The following MYH7 variants were observed in gnomAD, a reference collection of about 807,000 sequenced individuals.
The protein encoded by MYH7 is myosin heavy chain 7, also known as myosin-7.
MYH7 carries 129 observed loss-of-function variants against 225.4 expected under a neutral mutation model. The observed-to-expected ratio is 0.57, with a 90% CI of 0.50 to 0.66. MYH7 has a LOEUF of 0.66. MYH7 is among the 30% of genes least tolerant of loss of function. MYH7 has a pLI of 0.00. For synonymous variants in MYH7, 971 were observed against 1,007.6 expected (o/e 0.96, Z 0.69); for missense variants, 1,649 against 2,517.0 (o/e 0.66, Z 7.38).
At chr14:23,435,273 C>T (rs116526240) in intron 1 of MYH7, among the ~76,000 whole-genome samples, 3,319 of 152,120 alleles carry the variant, frequency 0.022, 127 homozygotes, top group African/African-American at 0.077. Flanking sequence ...CGTTCACAGA[C>T]GTGATCATAC....
At chr14:23,418,094 C>G in intron 30 of MYH7, 116 bp downstream of exon 30, 1 of 1,484,634 alleles carries the variant, frequency 6.7e-7, no homozygotes, top group East Asian at 2.3e-5. Context: ...CAGAGTCCTC[C>G]TGTGTTGTCA....
At chr14:23,419,766 T>C (rs749325234) in intron 27 of MYH7, 79 bp downstream of exon 27, 3 of 1,613,292 alleles carry the variant, frequency 1.9e-6, no homozygotes, top group Non-Finnish European at 2.5e-6. Context: ...AAATGAACCA[T>C]GAAGGAAGAG....
rs373707937 is a variant in MYH7 at position 23,413,998 on chromosome 14, G to C, written c.5655+9C>G. 4 of 1,614,024 alleles carry C rather than the reference G, an allele frequency of 2.5e-6. No individual in the cohort carries two copies. The African/African-American group carries it at 5.3e-5, about 22-fold the overall frequency. ...TCCCCTGGGCCTAGTCCCCAGCAGG[G>C]TCACTCACCGCCTCCTCGGCCTGGC... On this transcript the variant is annotated intron_variant, in intron 38 of 39. Coordinates refer to ENST00000355349, the MANE Select transcript of MYH7 (RefSeq NM_000257.4).
chr14:23,420,260 C>A, intron 26 of MYH7, 26 bp from the exon 27 acceptor site: 2 of 1,606,254 alleles, frequency 1.2e-6, no homozygotes, highest in Non-Finnish European at 1.7e-6. Context: ...GGGCTCAGAC[C>A]CACCGCCTGG....
chr14:23,423,621 C>T lies in MYH7; in HGVS notation c.3025G>A (p.Asp1009Asn). Residue 1009 changes from aspartate to asparagine, a missense_variant, in exon 24 of 40, where the codon GAC becomes AAC. By Grantham distance (23) the Asp-to-Asn change is conservative (BLOSUM62 1). Transcript: ENST00000355349. Reference sequence around the variant, plus strand: ...ACCTTGTCCTCCTCGGCCTGAAGGTCATCCAGAGCCTGTTGGTGGGCCTCT... The same window carrying T: ...ACCTTGTCCTCCTCGGCCTGAAGGTTATCCAGAGCCTGTTGGTGGGCCTCT... Reference protein sequence around the residue: ...LQEAHQQALDDLQAEEDKVNT... With the variant: ...LQEAHQQALDNLQAEEDKVNT... 1 of 1,614,164 alleles carries T rather than the reference C, an allele frequency of 6.2e-7. No homozygotes were observed. Among genetic ancestry groups the T allele is most frequent in the African/African-American group, 1.3e-5 (1 of 75,022 alleles).
intron 1 of MYH7, 164 bp from the exon 2 acceptor site, chr14:23,434,413 C>G (rs748421779): frequency 7.2e-6 from 2 of 278,462 alleles, no homozygotes; most frequent in Non-Finnish European, 1.1e-5. Flanking sequence ...TTTTCAAACC[C>G]TATTCCCTTT....
intron 29 of MYH7, 105 bp downstream of exon 29, chr14:23,419,072 C>G: frequency 9.7e-7 from 1 of 1,033,436 alleles, no homozygotes; most frequent in East Asian, 2.4e-5. Flanking sequence ...TCTTGGAGAA[C>G]TGTTGGTCCA....
At chr14:23,422,113 G>A (rs41285542) in intron 25 of MYH7, 67 bp downstream of exon 25, 1 of 1,607,550 alleles carries the variant, frequency 6.2e-7, no homozygotes, top group East Asian at 2.2e-5. Context: ...GAGGATGGCT[G>A]TCTTGGGTCT....
chr14:23,420,995 A>T lies in MYH7; in HGVS notation c.3299T>A (p.Leu1100His), dbSNP rs1892450921. The change falls in exon 26 of 40, where the codon CTC (leucine) becomes CAC (histidine). Residue 1100 changes from leucine (L) to histidine (H), a missense_variant. By Grantham distance (99) the Leu-to-His change is moderately conservative. Coordinates refer to ENST00000355349, the MANE Select transcript of MYH7 (RefSeq NM_000257.4). ...GAGCTTCTTCTGCAGCTGGCTGCCG[A>T]GGGCCTGTTCATCCTCAATCCTTGC... is the stretch of plus-strand genomic sequence containing the variant. Reference protein sequence around the residue: ...LNARIEDEQALGSQLQKKLKE... With the variant: ...LNARIEDEQAHGSQLQKKLKE... 1 of 1,612,604 alleles carries T rather than the reference A, an allele frequency of 6.2e-7. No individual in the cohort carries two copies. The highest frequency in any genetic ancestry group is 1.7e-5 in the Admixed American group (1 of 60,028).
In MYH7 at chr14:23,432,674, G is replaced by C; in HGVS notation, c.467C>G (p.Ser156Cys). 1 of 1,614,136 alleles carries C rather than the reference G, an allele frequency of 6.2e-7. No individual in the cohort carries two copies. Among genetic ancestry groups the C allele is most frequent in the Non-Finnish European group, 8.5e-7 (1 of 1,180,030 alleles). The change falls in exon 5 of 40, where the codon TCC (serine) becomes TGC (cysteine). Residue 156 changes from serine (S) to cysteine (C), a missense_variant. Ser to Cys is a moderately radical substitution (Grantham distance 112). Coordinates refer to ENST00000355349, the MANE Select transcript of MYH7 (RefSeq NM_000257.4). ...KRSEAPPHIF[S>C]ISDNAYQYML... ...GTACTGATAGGCGTTGTCGGAGATG[G>C]AGAAGATGTGGGGCGGGGCCTCGCT... is the stretch of plus-strand genomic sequence containing the variant.
At chr14:23,422,449 G>A in intron 24 of MYH7, 124 bp from the exon 25 acceptor site, 2 of 1,307,234 alleles carry the variant, frequency 1.5e-6, no homozygotes, top group Admixed American at 3.8e-5. Context: ...TCCCCAGAGT[G>A]GGCCAAATGT....
At chr14:23,419,453 G>C in intron 28 of MYH7, 30 bp downstream of exon 28, 4 of 1,613,376 alleles carry the variant, frequency 2.5e-6, no homozygotes, top group Non-Finnish European at 3.4e-6. Context: ...GACTGTGGTG[G>C]GAACCATGGA....
Position 23,413,845 on chromosome 14 carries a change from C to G in MYH7, c.5704G>C (p.Glu1902Gln), listed in dbSNP as rs187073962. The change falls in exon 39 of 40, where the codon GAG becomes CAG. Residue 1902 changes from glutamate (E) to glutamine (Q), a missense_variant. Glu to Gln is a conservative substitution (Grantham distance 29). Coordinates refer to ENST00000355349, the MANE Select transcript of MYH7 (RefSeq NM_000257.4). ...NLSKFRKVQH[E>Q]LDEAEERADI... ...GCCCGCTCCTCTGCCTCATCCAGCT[C>G]GTGCTGCACCTTGCGGAACTTGGAC... The G allele has an allele frequency of 3.5e-5, 57 of 1,614,266 alleles. No individual in the cohort carries two copies. In the East Asian group the frequency reaches 1.2e-3, roughly 33 times the overall value.
rs775851695 is a variant in MYH7, at chr14:23,429,100, A to G, written c.1262T>C (p.Ile421Thr). ...CTTGGCCAGTGCCCCAGTGGCATAT[A>G]TCACCTGCAAGGTGGAGGAGAGACC... Reference protein sequence around the residue: ...VTKGQNVQQVIYATGALAKAV... With the variant: ...VTKGQNVQQVTYATGALAKAV... The change falls in exon 14 of 40, where the codon ATA becomes ACA. Residue 421 changes from isoleucine (I) to threonine (T), a missense_variant. Transcript: ENST00000355349. 6.2e-7 allele frequency: 1 copy of G among 1,614,084 alleles called. No homozygotes were observed. The highest frequency in any genetic ancestry group is 2.2e-5 in the East Asian group (1 of 44,886).
rs45570337 is a variant in MYH7, at chr14:23,433,890, C to A, written c.-8-150G>T. ...TGAGTCCCTTCCTCTTTGAGGTTAC[C>A]CCTTAACCAGAGGAGCAGCCTAGCA... On this transcript the variant is annotated intron_variant, in intron 2 of 39. Transcript: ENST00000355349. The surrounding 1 kb of genome is among the most constrained non-coding windows in gnomAD (Gnocchi z 4.1). 4.4e-3 allele frequency: 3,474 copies of A among 796,616 alleles called. 17 individuals are homozygous for A. The highest frequency in any genetic ancestry group is 8.7e-3 in the Middle Eastern group (24 of 2,750). The allele number at this position is 796,616 out of a possible 1,614,324, so 49.3% of individuals were successfully genotyped here. A position where few individuals can be genotyped will look rare whatever the true frequency, so the allele number is the denominator to read the frequency against.
intron 1 of MYH7, among the ~76,000 whole-genome samples, chr14:23,434,919 T>C (rs1893084381): frequency 6.6e-6 from 1 of 152,040 alleles, no homozygotes; most frequent in Non-Finnish European, 1.5e-5. Context: ...AAGACAGGCT[T>C]CCTTCCCATA....
intron 12 of MYH7, 54 bp downstream of exon 12, chr14:23,429,721 C>G (rs1892849159): frequency 6.2e-7 from 1 of 1,603,100 alleles, no homozygotes; most frequent in African/African-American, 1.3e-5. Context: ...GACTGCTGAG[C>G]AGACATGGCC....
Position 23,415,100 on chromosome 14 carries a change from C to T in MYH7, c.5454G>A (p.Arg1818=). The T allele has an allele frequency of 6.2e-7, 1 of 1,614,082 alleles. No homozygotes were observed. Among genetic ancestry groups the T allele is most frequent in the Non-Finnish European group, 8.5e-7 (1 of 1,180,044 alleles). ...CCAGCTCATTCTCCAGCTCCCGCAC[C>T]CGCGCTTCCAGCTTCTGCAGCTGCT... The part of the protein sequence containing the change: ...GKKQLQKLEA[R]VRELENELEA... Residue 1818 remains arginine, a synonymous_variant, in exon 37 of 40, where the codon CGG becomes CGA. Transcript: ENST00000355349. This position sits in a 1 kb window ranked among gnomAD's most constrained non-coding sequence, Gnocchi z 6.3.
At chr14:23,432,052 A>G (rs1350069289) in intron 6 of MYH7, among the ~76,000 whole-genome samples, 183 bp from the exon 7 acceptor site, 1 of 152,216 alleles carries the variant, frequency 6.6e-6, no homozygotes, top group East Asian at 1.9e-4. Context: ...GGCACCAGGA[A>G]GGATGCCACC....
Sources: gnomAD v4.1 joint callset for allele counts (sites outside exome capture counted in the v4.1 genomes callset) on GRCh38, gnomAD v4.1.1 for gene constraint, Gnocchi (gnomAD v3.1) non-coding constraint, MANE v1.5 for transcripts, NCBI Gene and HGNC (gene_info 2026-07-23, HGNC 2026-07-21) for gene names.